Variants in RGS12 observed in about 807,000 individuals in gnomAD.
The protein encoded by RGS12 is regulator of G-protein signaling 12.
Under a neutral mutation model 120.1 loss-of-function variants are expected in RGS12, and 66 were observed. The ratio of observed to expected loss-of-function variants is 0.55; its 90% CI spans 0.45 to 0.67. The LOEUF (loss-of-function observed/expected upper bound fraction) is 0.67. Ranked by LOEUF, RGS12 falls within the 30% of genes least tolerant of loss-of-function variation. The probability of loss-of-function intolerance (pLI) is 0.00; values close to 1 mark genes in which losing one functional copy is unlikely to be tolerated. For synonymous variants in RGS12, 827 were observed against 804.7 expected (o/e 1.03, Z -0.47); for missense variants, 1,859 against 1,957.7 (o/e 0.95, Z 0.95).
At chr4:3,416,183 C>G in intron 7 of RGS12, 62 bp downstream of exon 7, 1 of 1,577,850 alleles carries the variant, frequency 6.3e-7, no homozygotes, top group South Asian at 1.1e-5. Flanking sequence ...ATAGGGTCCA[C>G]CTTCAAAGAA....
chr4:3,436,349 G>C (rs1327603907), intron 17 of RGS12, among the ~76,000 whole-genome samples: 1 of 152,224 alleles, frequency 6.6e-6, no homozygotes, highest in South Asian at 2.1e-4. Context: ...AGCCGGCTCA[G>C]CCTTGCCTGG....
At chr4:3,403,876 C>T (rs1720843103) in intron 4 of RGS12, among the ~76,000 whole-genome samples, 1 of 152,194 alleles carries the variant, frequency 6.6e-6, no homozygotes, top group African/African-American at 2.4e-5. Context: ...TACTCTGAGA[C>T]CCAAAGGGGG....
chr4:3,347,383 G>T (rs1713909632), intron 3 of RGS12, among the ~76,000 whole-genome samples: 1 of 152,174 alleles, frequency 6.6e-6, no homozygotes, highest in East Asian at 1.9e-4. Flanking sequence ...GGCGGAGTTT[G>T]CAGTGAGCCC....
intron 2 of RGS12, among the ~76,000 whole-genome samples, chr4:3,338,616 T>C (rs1456043669): frequency 6.6e-6 from 1 of 152,068 alleles, no homozygotes; most frequent in Non-Finnish European, 1.5e-5. Flanking sequence ...CCTGGATGCC[T>C]GGGGGCCAGG....
intron 16 of RGS12, among the ~76,000 whole-genome samples, chr4:3,429,787 G>A (rs1032219978): frequency 6.6e-6 from 1 of 152,206 alleles, no homozygotes; most frequent in Non-Finnish European, 1.5e-5. Flanking sequence ...TGGAGCTTCA[G>A]TGCGGAGAGG....
At position 3,317,631 on chromosome 4, in the gene RGS12, G is replaced by A. The variant is rs1724874763; in HGVS notation, c.1461G>A (p.Glu487=). Residue 487 remains glutamate, a synonymous_variant, in exon 2 of 18, where the codon GAG becomes GAA. Transcript: ENST00000336727. ...ACCCCGAAGGGAGCCCCCCATTTGAGGCCGCTCATCAGACTGACAGGTTCT... is the reference window on the plus strand; with the variant it reads ...ACCCCGAAGGGAGCCCCCCATTTGAAGCCGCTCATCAGACTGACAGGTTCT... The part of the protein sequence containing the change: ...CPDPEGSPPF[E]AAHQTDRFWD... The A allele has an allele frequency of 1.9e-6, 3 of 1,589,172 alleles. No individual in the cohort carries two copies. The South Asian group carries it at 3.4e-5, about 18-fold the overall frequency.
At chr4:3,411,234 C>T (rs942509355) in intron 4 of RGS12, among the ~76,000 whole-genome samples, 4 of 152,218 alleles carry the variant, frequency 2.6e-5, no homozygotes, top group Admixed American at 6.5e-5. Context: ...CTACCCTGAC[C>T]GTGACTTAGA....
chr4:3,426,875 G>A (rs771826432), intron 14 of RGS12: 13 of 152,230 alleles, frequency 8.5e-5, no homozygotes, highest in Non-Finnish European at 1.9e-4. Flanking sequence ...ACCTGCAGAT[G>A]TTCTAGGTAG....
At chr4:3,370,139 C>G in intron 3 of RGS12, 1 of 1,519,802 alleles carries the variant, frequency 6.6e-7, no homozygotes, top group Non-Finnish European at 8.9e-7. Flanking sequence ...TGTCCTGTTG[C>G]CATGGGTTAC....
Position 3,423,554 on chromosome 4 carries a change from G to C in RGS12, c.3147G>C (p.Lys1049Asn), listed in dbSNP as rs745386726. 1 of 1,613,090 alleles carries C rather than the reference G, an allele frequency of 6.2e-7. No homozygotes were observed. Among genetic ancestry groups the C allele is most frequent in the Non-Finnish European group, 8.5e-7 (1 of 1,179,952 alleles). Residue 1049 changes from lysine to asparagine, a missense_variant, in exon 13 of 18, where the codon AAG becomes AAC. Lys to Asn is a moderately conservative substitution (Grantham distance 94). Transcript: ENST00000336727. ...CGATTAACCGGTCAGTGGGACTCAAGGCCAAGCCCACCAAGCCCGTCACGG... is the reference window on the plus strand; with the variant it reads ...CGATTAACCGGTCAGTGGGACTCAACGCCAAGCCCACCAAGCCCGTCACGG... The part of the protein sequence containing the change: ...LVPINRSVGL[K>N]AKPTKPVTEV...
intron 3 of RGS12, among the ~76,000 whole-genome samples, chr4:3,363,562 C>T (rs1474498941): frequency 1.3e-5 from 2 of 151,890 alleles, no homozygotes; most frequent in African/African-American, 2.4e-5. Context: ...GCGGGTTCTG[C>T]GTGTAGGAGA....
intron 1 of RGS12, among the ~76,000 whole-genome samples, chr4:3,310,462 A>G (rs1724320991): frequency 6.6e-6 from 1 of 152,176 alleles, no homozygotes; most frequent in East Asian, 1.9e-4. Context: ...GGCCTTGGTG[A>G]TTCCAGAATC....
Position 3,338,670 on chromosome 4 carries a change from C to T in RGS12, c.1882-4267C>T, listed in dbSNP as rs560832202. Among the ~76,000 whole-genome samples the T allele has an allele frequency of 5.9e-5, 9 of 152,276 alleles. No individual in the cohort carries two copies. In the East Asian group the frequency reaches 1.7e-3, roughly 29 times the overall value. ...TGGCGGGCGGGCGGTGTCTGCTCCA[C>T]TCAGTGCCCTTGAGTGCTGGGTGTG... On this transcript the variant is annotated intron_variant, in intron 2 of 17. Transcript: ENST00000336727.
At chr4:3,305,155 G>A (rs1723903825) in intron 1 of RGS12, among the ~76,000 whole-genome samples, 1 of 152,260 alleles carries the variant, frequency 6.6e-6, no homozygotes, top group Non-Finnish European at 1.5e-5. Context: ...TTCCCTGAGA[G>A]GGAGTGAGGG....
At chr4:3,322,704 A>G (rs1725281120) in intron 2 of RGS12, among the ~76,000 whole-genome samples, 3 of 152,216 alleles carry the variant, frequency 2.0e-5, no homozygotes, top group South Asian at 4.1e-4. Context: ...TGTGATATGT[A>G]AAGGATTGAT....
chr4:3,430,366 A>T, intron 16 of RGS12, 41 bp from the exon 17 acceptor site: 1 of 1,549,024 alleles, frequency 6.5e-7, no homozygotes, highest in Non-Finnish European at 8.8e-7. Flanking sequence ...ATTAATGTGA[A>T]ACTCTCTAAA....
intron 3 of RGS12, among the ~76,000 whole-genome samples, chr4:3,369,178 C>T (rs1006709843): frequency 6.6e-6 from 1 of 152,150 alleles, no homozygotes; most frequent in African/African-American, 2.4e-5. Context: ...TGGGCGCCTG[C>T]CCCCCGCCCC....
Position 3,422,533 on chromosome 4 carries a change from G to A in RGS12, c.2996G>A (p.Gly999Glu). 6.2e-7 allele frequency: 1 copy of A among 1,612,738 alleles called. No homozygotes were observed. Among genetic ancestry groups the A allele is most frequent in the Non-Finnish European group, 8.5e-7 (1 of 1,179,958 alleles). Residue 999 changes from glycine (G) to glutamate (E), a missense_variant, in exon 11 of 18, where the codon GGG (glycine) becomes GAG (glutamate). By Grantham distance (98) the Gly-to-Glu change is moderately conservative. Transcript: ENST00000336727. ...CTCTGTGAGCGGCATGGCATCAACG[G>A]GGCGGCCGCGGACCTCTTCCTGGTG... ...SGLCERHGIN[G>E]AAADLFLVGG...
At chr4:3,395,841 T>C (rs188824914) in intron 4 of RGS12, among the ~76,000 whole-genome samples, 1 of 152,334 alleles carries the variant, frequency 6.6e-6, no homozygotes, top group Admixed American at 6.5e-5. Context: ...GATTTACGTA[T>C]AGTTTTCCCT....
Sources: allele counts gnomAD v4.1 joint callset (sites outside exome capture counted in the v4.1 genomes callset), GRCh38; gene constraint gnomAD v4.1.1; transcripts MANE v1.5; gene names NCBI Gene and HGNC (gene_info 2026-07-23, HGNC 2026-07-21).